Variants in SLC2A2 observed in about 807,000 individuals in gnomAD.
SLC2A2 encodes the protein solute carrier family 2, facilitated glucose transporter member 2.
A neutral mutation model predicts 54.5 loss-of-function variants in SLC2A2; 36 were observed. The observed-to-expected ratio is 0.66, with a 90% CI of 0.51 to 0.87. SLC2A2 has a LOEUF of 0.87. Ranked by LOEUF, SLC2A2 falls within the 40% of genes least tolerant of loss-of-function variation. The pLI is 0.00. For synonymous variants in SLC2A2, 223 were observed against 219.1 expected (o/e 1.02, Z -0.16); for missense variants, 543 against 624.3 (o/e 0.87, Z 1.39).
At chr3:171,013,801 A>G (rs1715997598) in intron 3 of SLC2A2, among the ~76,000 whole-genome samples, 1 of 152,226 alleles carries the variant, frequency 6.6e-6, no homozygotes, top group Admixed American at 6.5e-5. Context: ...AGGGTGGGAA[A>G]TCCTAACAGC....
At position 170,996,644 on chromosome 3, in the gene SLC2A2, G is replaced by A. The variant is rs1160515292; in HGVS notation, c.*1259C>T. On this transcript the variant is annotated 3_prime_UTR_variant, in exon 11 of 11. Transcript: ENST00000314251. Reference sequence around the variant, plus strand: ...TAAGCTAAAGTCTGTTTAATCATCTGTGTATTTCCAATTTGCCTATGTAGG... The same window carrying A: ...TAAGCTAAAGTCTGTTTAATCATCTATGTATTTCCAATTTGCCTATGTAGG... The A allele has an allele frequency of 5.0e-6, 2 of 397,864 alleles. No individual in the cohort carries two copies. Among genetic ancestry groups the A allele is most frequent in the African/African-American group, 4.1e-5 (2 of 48,564 alleles). The allele number at this position is 397,864 out of a possible 1,614,324, so 24.6% of individuals were successfully genotyped here. A position where few individuals can be genotyped will look rare whatever the true frequency, so the allele number is the denominator to read the frequency against.
At chr3:171,006,214 T>TA in intron 5 of SLC2A2, 109 bp from the exon 6 acceptor site, 1 of 996,188 alleles carries the variant, frequency 1.0e-6, no homozygotes, top group Non-Finnish European at 1.5e-6. Flanking sequence ...CTCTGACAAC[T>TA]TTGGTTCAAG....
chr3:171,014,484 C>G lies in SLC2A2; in HGVS notation c.356G>C (p.Gly119Ala), dbSNP rs746632604. Residue 119 changes from glycine to alanine, a missense_variant, in exon 3 of 11, where the codon GGG becomes GCG. By Grantham distance (60) the Gly-to-Ala change is moderately conservative. Around this residue, in one of 3 missense-constraint regions of SLC2A2, gnomAD observed 318 missense variants for 343.8 expected, o/e 0.93. Coordinates refer to ENST00000314251, the MANE Select transcript of SLC2A2 (RefSeq NM_000340.2). ...ATTTGCCTACCTTCCAAGTGTGTCC[C>G]CAAGCCACCCACCAAAGAATGATGC... is the stretch of plus-strand genomic sequence containing the variant. ...MTASFFGGWL[G>A]DTLGRIKAML... is the part of the protein sequence containing the mutation. 6 of 1,614,110 alleles carry G rather than the reference C, an allele frequency of 3.7e-6. No individual in the cohort carries two copies. The highest frequency in any genetic ancestry group is 5.1e-6 in the Non-Finnish European group (6 of 1,180,000).
chr3:171,000,759 T>C (rs760054377), intron 8 of SLC2A2, among the ~76,000 whole-genome samples: 2 of 152,132 alleles, frequency 1.3e-5, no homozygotes, highest in Non-Finnish European at 2.9e-5. Context: ...AACAAACTGA[T>C]GTTCTTCCAA....
chr3:171,018,634 C>A lies in SLC2A2; in HGVS notation c.16-11G>T. The stretch of plus-strand genomic sequence containing the variant: ...CAGGGTCCCAGTGACCTGCAGGGGG[C>A]GAGACACAGGGCAGGGAAACACCAG... On this transcript the variant is annotated splice_polypyrimidine_tract_variant and intron_variant, in intron 1 of 10. Transcript: ENST00000314251. 6.3e-7 allele frequency: 1 copy of A among 1,595,206 alleles called. No homozygotes were observed. The highest frequency in any genetic ancestry group is 8.6e-7 in the Non-Finnish European group (1 of 1,162,960).
intron 1 of SLC2A2, among the ~76,000 whole-genome samples, chr3:171,020,974 A>G (rs1716436407): frequency 5.3e-5 from 8 of 151,396 alleles, no homozygotes. Flanking sequence ...CATATAAGAT[A>G]TATTAACATT....
At chr3:171,011,356 A>C (rs747016143) in intron 3 of SLC2A2, among the ~76,000 whole-genome samples, 28 of 152,078 alleles carry the variant, frequency 1.8e-4, no homozygotes, top group Non-Finnish European at 3.8e-4. Flanking sequence ...GGAGCAGGTG[A>C]TATGATGACA....
chr3:171,008,067 A>G (rs1282130693), intron 4 of SLC2A2, among the ~76,000 whole-genome samples: 1 of 152,118 alleles, frequency 6.6e-6, no homozygotes, highest in African/African-American at 2.4e-5. Context: ...AAAAGTTCAG[A>G]GACTATCGAC....
Position 170,999,056 on chromosome 3 carries a change from C to T in SLC2A2, c.1170+9G>A, listed in dbSNP as rs1356990461. 2 of 1,592,370 alleles carry T rather than the reference C, an allele frequency of 1.3e-6. No individual in the cohort carries two copies. Among genetic ancestry groups the T allele is most frequent in the Non-Finnish European group, 1.7e-6 (2 of 1,160,376 alleles). On this transcript the variant is annotated intron_variant, in intron 9 of 10. Transcript: ENST00000314251. The stretch of plus-strand genomic sequence containing the variant: ...TAATGAAAAACCTCAGTGCAGGCAC[C>T]AAACTTACCAGCAGCACAAGTCCCA...
intron 1 of SLC2A2, among the ~76,000 whole-genome samples, chr3:171,025,015 C>A (rs899268113): frequency 6.6e-6 from 1 of 152,172 alleles, no homozygotes; most frequent in Non-Finnish European, 1.5e-5. Context: ...AAGCACATTA[C>A]CTTCCTTTTT....
In SLC2A2 at chr3:171,007,137, G is replaced by T. The variant is rs1157893772; in HGVS notation, c.612+11C>A. On this transcript the variant is annotated intron_variant, in intron 5 of 10. Transcript: ENST00000314251. ...TGGGTGCAGTAGGGGATAAGGATGGGGAGTTTTTACCTGACTAATAAGAAT... is the reference window on the plus strand; with the variant it reads ...TGGGTGCAGTAGGGGATAAGGATGGTGAGTTTTTACCTGACTAATAAGAAT... The T allele has an allele frequency of 6.6e-7, 1 of 1,508,150 alleles. No individual in the cohort carries two copies. The highest frequency in any genetic ancestry group is 9.2e-7 in the Non-Finnish European group (1 of 1,084,500). 93.4% of individuals were successfully genotyped at this position (1,508,150 alleles called of 1,614,324 possible). A position where few individuals can be genotyped will look rare whatever the true frequency, so the allele number is the denominator to read the frequency against.
chr3:171,010,619 G>GT lies in SLC2A2; in HGVS notation c.372-538dup, dbSNP rs1470046122. 2.6e-5 allele frequency among the ~76,000 whole-genome samples: 4 copies of GT among 152,098 alleles called. No homozygotes were observed. The East Asian group carries it at 7.7e-4, about 29-fold the overall frequency. On this transcript the variant is annotated intron_variant, in intron 3 of 10. Coordinates refer to ENST00000314251, the MANE Select transcript of SLC2A2 (RefSeq NM_000340.2). ...CTTTTTTTTTCTTTCAATGGCACAGGTTTTTAATCTAGATAGGAAAGGAAC... is the reference window on the plus strand; with the variant it reads ...CTTTTTTTTTCTTTCAATGGCACAGGTTTTTTAATCTAGATAGGAAAGGAAC...
intron 2 of SLC2A2, among the ~76,000 whole-genome samples, chr3:171,015,971 CAAT>C (rs1222003786): frequency 6.6e-6 from 1 of 152,086 alleles, no homozygotes; most frequent in Non-Finnish European, 1.5e-5. Flanking sequence ...TCATTCCTCT[CAAT>C]GATGATTTGG....
chr3:171,017,451 A>G (rs1320320987), intron 2 of SLC2A2, among the ~76,000 whole-genome samples: 1 of 152,178 alleles, frequency 6.6e-6, no homozygotes, highest in African/African-American at 2.4e-5. Flanking sequence ...TGGTCAGCGC[A>G]TATTTCACAT....
At chr3:171,013,753 T>C (rs181355536) in intron 3 of SLC2A2, among the ~76,000 whole-genome samples, 322 of 152,280 alleles carry the variant, frequency 2.1e-3, no homozygotes, top group Non-Finnish European at 3.2e-3. Context: ...ATCTAAAAAA[T>C]AATCATTTGA....
intron 7 of SLC2A2, among the ~76,000 whole-genome samples, chr3:171,004,921 C>T (rs1715520947): frequency 6.6e-6 from 1 of 151,926 alleles, no homozygotes; most frequent in African/African-American, 2.4e-5. Context: ...CTCCATTTGG[C>T]TTGGGCTATC....
chr3:171,001,576 C>T (rs1391175460), intron 8 of SLC2A2, among the ~76,000 whole-genome samples: 1 of 151,988 alleles, frequency 6.6e-6, no homozygotes, highest in African/African-American at 2.4e-5. Context: ...GAATAAAAAA[C>T]AAGTGACTAA....
At chr3:170,998,965 C>T in intron 9 of SLC2A2, 100 bp downstream of exon 9, 1 of 805,330 alleles carries the variant, frequency 1.2e-6, no homozygotes, top group Non-Finnish European at 2.3e-6. Flanking sequence ...GTAAGTCAGT[C>T]TCAAATATTT....
rs1715094922 is a variant in SLC2A2 at position 170,996,744 on chromosome 3, T to C, written c.*1159A>G. ...AGTTTGGCTAGAATCTGTATACAGC[T>C]AAGACAAAGAAGGAAATGTCAAAGG... On this transcript the variant is annotated 3_prime_UTR_variant, in exon 11 of 11. Coordinates refer to ENST00000314251, the MANE Select transcript of SLC2A2 (RefSeq NM_000340.2). The C allele has an allele frequency of 1.3e-5, 5 of 397,148 alleles. No individual in the cohort carries two copies. Among genetic ancestry groups the C allele is most frequent in the African/African-American group, 2.1e-5 (1 of 48,568 alleles). The allele number at this position is 397,148 out of a possible 1,614,324, so 24.6% of individuals were successfully genotyped here.
Sources: gnomAD v4.1 joint callset for allele counts (sites outside exome capture counted in the v4.1 genomes callset) on GRCh38, gnomAD v4.1.1 for gene constraint, gnomAD v4.1.1 regional missense constraint, MANE v1.5 for transcripts, NCBI Gene and HGNC (gene_info 2026-07-23, HGNC 2026-07-21) for gene names.